Variants in SPIDR observed in about 807,000 individuals in gnomAD.
SPIDR encodes the protein DNA repair-scaffolding protein.
In SPIDR, 93 loss-of-function variants were observed where a neutral mutation model predicts 104.6. The ratio of observed to expected loss-of-function variants is 0.89; its 90% confidence interval spans 0.75 to 1.06. SPIDR has a LOEUF of 1.06. Among genes scored for constraint, SPIDR ranks in the 50% least tolerant of loss-of-function variants. The probability of loss-of-function intolerance (pLI) is 0.00; values close to 1 mark genes in which losing one functional copy is unlikely to be tolerated. For missense variants in SPIDR, 1,154 were observed against 1,111.2 expected (o/e 1.04, Z -0.55); for synonymous variants, 431 against 416.9 (o/e 1.03, Z -0.41).
In SPIDR at chr8:47,734,723, A is replaced by C. The variant is rs552553858; in HGVS notation, c.2605-584A>C. 2.4e-4 allele frequency among the ~76,000 whole-genome samples: 36 copies of C among 152,316 alleles called. No homozygotes were observed. The East Asian group carries it at 6.9e-3, about 29-fold the overall frequency. The stretch of plus-strand genomic sequence containing the variant: ...TGCACCACACCCTCTCAGCCTGGTC[A>C]GGGATGGGGGCCAAGGACTCCCTGT... On this transcript the variant is annotated intron_variant, in intron 19 of 19. Coordinates refer to ENST00000297423, the MANE Select transcript of SPIDR (RefSeq NM_001080394.4).
At position 47,472,680 on chromosome 8, in the gene SPIDR, A is replaced by G. The variant is rs142062750; in HGVS notation, c.1097+32138A>G. Among the ~76,000 whole-genome samples the G allele has an allele frequency of 5.5e-4, 84 of 152,338 alleles. 1 individual carries two copies. Among genetic ancestry groups the G allele is most frequent in the African/African-American group, 1.9e-3 (78 of 41,578 alleles). On this transcript the variant is annotated intron_variant, in intron 8 of 19. Coordinates refer to ENST00000297423, the MANE Select transcript of SPIDR (RefSeq NM_001080394.4). ...AGTTTATTTACTTCAGAGAAGCTAG[A>G]CATCACTGACCTCAAAATAAGTAAT...
At chr8:47,654,445 A>G (rs1490349038) in intron 10 of SPIDR, among the ~76,000 whole-genome samples, 1 of 152,212 alleles carries the variant, frequency 6.6e-6, no homozygotes, top group African/African-American at 2.4e-5. Flanking sequence ...ACAGTGGGGC[A>G]TTCTTCAAGA....
At chr8:47,394,605 T>C (rs2061034028) in intron 5 of SPIDR, among the ~76,000 whole-genome samples, 1 of 152,200 alleles carries the variant, frequency 6.6e-6, no homozygotes, top group South Asian at 2.1e-4. Flanking sequence ...GCCCACCTCA[T>C]GGTCCAGTCC....
intron 5 of SPIDR, among the ~76,000 whole-genome samples, chr8:47,298,537 G>A (rs1260861170): frequency 9.2e-5 from 14 of 152,160 alleles, no homozygotes; most frequent in Non-Finnish European, 1.9e-4. Context: ...CCATGCCTGT[G>A]TCCTGAATGG....
At chr8:47,694,914 AC>A (rs2079128028) in intron 11 of SPIDR, among the ~76,000 whole-genome samples, 1 of 152,152 alleles carries the variant, frequency 6.6e-6, no homozygotes. Context: ...TCTATAATCA[AC>A]CTATTAGATG....
intron 1 of SPIDR, among the ~76,000 whole-genome samples, chr8:47,270,643 C>A (rs1448664054): frequency 1.3e-5 from 2 of 151,732 alleles, no homozygotes; most frequent in African/African-American, 4.8e-5. Context: ...TCATTTATTT[C>A]TGCCAGATGG....
chr8:47,662,108 C>T (rs149072085), intron 10 of SPIDR, among the ~76,000 whole-genome samples: 6 of 152,204 alleles, frequency 3.9e-5, no homozygotes, highest in Non-Finnish European at 7.3e-5. Flanking sequence ...CCAGTGCAGG[C>T]GCTCTGTCCC....
intron 10 of SPIDR, among the ~76,000 whole-genome samples, chr8:47,637,324 CTTT>C (rs1205909255): frequency 6.6e-6 from 1 of 152,190 alleles, no homozygotes; most frequent in Non-Finnish European, 1.5e-5. Context: ...AATCCCAGCA[CTTT>C]GGGAGGCCAA....
At chr8:47,585,217 A>G (rs1225113940) in intron 8 of SPIDR, among the ~76,000 whole-genome samples, 1 of 152,216 alleles carries the variant, frequency 6.6e-6, no homozygotes. Context: ...TTTGAGTACT[A>G]GAAATTTTGC....
chr8:47,555,083 A>G (rs2091158270), intron 8 of SPIDR, among the ~76,000 whole-genome samples: 1 of 152,140 alleles, frequency 6.6e-6, no homozygotes, highest in Non-Finnish European at 1.5e-5. Context: ...AAGTGGTATA[A>G]TCTGTTCCTT....
chr8:47,353,941 T>TTTTG, intron 5 of SPIDR, among the ~76,000 whole-genome samples: 1 of 152,144 alleles, frequency 6.6e-6, no homozygotes, highest in East Asian at 1.9e-4. Flanking sequence ...TTATTAATAC[T>TTTTG]TTTGTTTTTT....
At chr8:47,660,395 T>G (rs970567773) in intron 10 of SPIDR, 22 of 930,468 alleles carry the variant, frequency 2.4e-5, no homozygotes, top group Non-Finnish European at 2.7e-5. Context: ...CACTGTGGAA[T>G]GTGGTTTCAT....
At chr8:47,313,941 G>C (rs1223718150) in intron 5 of SPIDR, among the ~76,000 whole-genome samples, 1 of 152,174 alleles carries the variant, frequency 6.6e-6, no homozygotes, top group East Asian at 1.9e-4. Flanking sequence ...TGTTTAAGGA[G>C]ATACTTCAAG....
At chr8:47,352,944 C>T (rs2053820166) in intron 5 of SPIDR, among the ~76,000 whole-genome samples, 1 of 149,256 alleles carries the variant, frequency 6.7e-6, no homozygotes, top group South Asian at 2.1e-4. Flanking sequence ...GTCCCAGCTA[C>T]TTGGGAGGCT....
chr8:47,411,848 G>T (rs1348928683), intron 7 of SPIDR, among the ~76,000 whole-genome samples: 1 of 152,144 alleles, frequency 6.6e-6, no homozygotes. Flanking sequence ...GTAAGGAAGG[G>T]ATCCAGTTTC....
chr8:47,357,966 T>G lies in SPIDR; in HGVS notation c.526-38410T>G, dbSNP rs544186349. 36 of 599,710 alleles carry G rather than the reference T, an allele frequency of 6.0e-5. 1 individual carries two copies. In the South Asian group the frequency reaches 2.1e-3, roughly 36 times the overall value. 37.1% of individuals were successfully genotyped at this position (599,710 alleles called of 1,614,324 possible). A position where few individuals can be genotyped will look rare whatever the true frequency, so the allele number is the denominator to read the frequency against. ...TCACGAATATATGTGTGGTTTACAT[T>G]CACTCTGGCAGTCTTTCCTCTCCAA... On this transcript the variant is annotated intron_variant, in intron 5 of 19. Coordinates refer to ENST00000297423, the MANE Select transcript of SPIDR (RefSeq NM_001080394.4).
chr8:47,474,766 A>G (rs2076100644), intron 8 of SPIDR, among the ~76,000 whole-genome samples: 1 of 152,242 alleles, frequency 6.6e-6, no homozygotes, highest in South Asian at 2.1e-4. Flanking sequence ...TCAGTCCAAC[A>G]CAGAGTTAAT....
At chr8:47,657,480 T>C (rs2073047311) in intron 10 of SPIDR, among the ~76,000 whole-genome samples, 1 of 152,140 alleles carries the variant, frequency 6.6e-6, no homozygotes, top group Non-Finnish European at 1.5e-5. Flanking sequence ...CTGTTCAGTA[T>C]TTTGACTGTG....
chr8:47,501,323 C>G (rs1586760597), intron 8 of SPIDR, among the ~76,000 whole-genome samples: 1 of 152,214 alleles, frequency 6.6e-6, no homozygotes, highest in East Asian at 1.9e-4. Flanking sequence ...TTTCATTGAG[C>G]AGTGGTTTGT....
Sources: allele counts gnomAD v4.1 joint callset (sites outside exome capture counted in the v4.1 genomes callset), GRCh38; gene constraint gnomAD v4.1.1; transcripts MANE v1.5; gene names NCBI Gene and HGNC (gene_info 2026-07-23, HGNC 2026-07-21).